Variants in ABR observed in about 807,000 individuals in gnomAD.
ABR encodes the protein active breakpoint cluster region-related protein.
Under a neutral mutation model 107.2 loss-of-function variants are expected in ABR, and 35 were observed. The observed-to-expected ratio is 0.33, with a 90% CI of 0.25 to 0.43. ABR has a LOEUF of 0.43. ABR is among the 20% of genes least tolerant of loss of function. The probability of loss-of-function intolerance (pLI) is 1.00; values close to 1 mark genes in which losing one functional copy is unlikely to be tolerated. For missense variants in ABR, 815 were observed against 1,115.2 expected, an observed-to-expected ratio of 0.73 and a Z score of 3.83; for synonymous variants, 498 against 462.0, an observed-to-expected ratio of 1.08 and a Z score of -1.00.
intron 14 of ABR, among the ~76,000 whole-genome samples, chr17:1,054,162 C>T (rs1400404157): frequency 3.3e-5 from 5 of 152,212 alleles, no homozygotes; most frequent in East Asian, 1.9e-4. Flanking sequence ...TCCGTGACCT[C>T]GGCGGGATGC....
intron 16 of ABR, among the ~76,000 whole-genome samples, chr17:1,014,702 C>T (rs1359607274): frequency 1.3e-5 from 2 of 151,652 alleles, no homozygotes; most frequent in Non-Finnish European, 2.9e-5. Flanking sequence ...AAAAATTAGC[C>T]GGGCGCGGTG....
intron 1 of ABR, among the ~76,000 whole-genome samples, chr17:1,221,673 C>T (rs9709187): frequency 0.27 from 41,494 of 151,890 alleles, 5,838 homozygotes; most frequent in Middle Eastern, 0.31. Context: ...GAAGTCAAGG[C>T]GGGAGGGCTC....
intron 1 of ABR, among the ~76,000 whole-genome samples, chr17:1,134,923 G>C (rs996874093): frequency 6.6e-6 from 1 of 152,274 alleles, no homozygotes; most frequent in African/African-American, 2.4e-5. Flanking sequence ...GGACGACACA[G>C]GATCAAGTGC....
chr17:1,010,424 C>T lies in ABR; in HGVS notation c.2236+305G>A, dbSNP rs2070431154. ...TGGGATGCTGGCTTCTGGCCACTCA[C>T]CTCAGGGCAGTCTTCCCTGGATGCT... On this transcript the variant is annotated intron_variant, in intron 20 of 22. Coordinates refer to ENST00000302538, the MANE Select transcript of ABR (RefSeq NM_021962.5). The surrounding 1 kb of genome is among the most constrained non-coding windows in gnomAD (Gnocchi z 4.1). The T allele has an allele frequency of 9.8e-6, 4 of 409,524 alleles. No homozygotes were observed. The highest frequency in any genetic ancestry group is 4.0e-5 in the African/African-American group (2 of 49,762). The allele number at this position is 409,524 out of a possible 1,614,324, so 25.4% of individuals were successfully genotyped here. A position where few individuals can be genotyped will look rare whatever the true frequency, so the allele number is the denominator to read the frequency against.
chr17:1,083,422 A>T (rs2036393660), intron 5 of ABR, 98 bp downstream of exon 5: 12 of 778,068 alleles, frequency 1.5e-5, no homozygotes, highest in Non-Finnish European at 2.1e-5. Flanking sequence ...TAGAGTAACC[A>T]CTTCACCGAC....
intron 16 of ABR, chr17:1,039,583 G>A (rs954784029): frequency 1.3e-5 from 2 of 152,592 alleles, no homozygotes; most frequent in African/African-American, 4.8e-5. Context: ...GAGAACAAAT[G>A]TGCCCGAAAC....
At chr17:1,201,333 C>T (rs1409718386) in intron 1 of ABR, among the ~76,000 whole-genome samples, 3 of 152,084 alleles carry the variant, frequency 2.0e-5, no homozygotes, top group East Asian at 3.9e-4. Context: ...TCAGTAATGA[C>T]GGTAAGTGCT....
chr17:1,158,395 C>T (rs1028560864), intron 1 of ABR, among the ~76,000 whole-genome samples: 1 of 151,782 alleles, frequency 6.6e-6, no homozygotes, highest in Non-Finnish European at 1.5e-5. Flanking sequence ...CGCGCCCAGC[C>T]GTCTCGTTAG....
At chr17:1,088,452 T>TTAATAATAA (rs60961802) in intron 4 of ABR, among the ~76,000 whole-genome samples, 240 of 143,516 alleles carry the variant, frequency 1.7e-3, no homozygotes, top group African/African-American at 3.9e-3. Context: ...TCTTCCCAAT[T>TTAATAATAA]TAATAATAAT....
At chr17:1,138,452 A>G (rs2040166263) in intron 1 of ABR, among the ~76,000 whole-genome samples, 1 of 152,054 alleles carries the variant, frequency 6.6e-6, no homozygotes, top group Non-Finnish European at 1.5e-5. Flanking sequence ...GTGCACTTGA[A>G]AAGCTTTTTT....
chr17:1,025,800 A>C (rs184267114), intron 16 of ABR, among the ~76,000 whole-genome samples: 9 of 150,258 alleles, frequency 6.0e-5, no homozygotes, highest in African/African-American at 2.2e-4. Flanking sequence ...TTGTTGACGG[A>C]CTCCTCCTGC....
At chr17:1,110,100 G>A (rs891382596) in intron 2 of ABR, among the ~76,000 whole-genome samples, 2 of 150,964 alleles carry the variant, frequency 1.3e-5, no homozygotes, top group African/African-American at 2.4e-5. Context: ...CCTGCAAGGG[G>A]AGTGCACACA....
rs9900201 is a variant in ABR at position 1,154,129 on chromosome 17, A to C, written c.61+25538T>G. 1 of 152,314 alleles carries C rather than the reference A, an allele frequency of 6.6e-6. No individual in the cohort carries two copies. The highest frequency in any genetic ancestry group is 1.5e-5 in the Non-Finnish European group (1 of 68,236). 9.4% of individuals were successfully genotyped at this position (152,314 alleles called of 1,614,324 possible). A position where few individuals can be genotyped will look rare whatever the true frequency, so the allele number is the denominator to read the frequency against. The stretch of plus-strand genomic sequence containing the variant: ...CTGCTCCGAGGACTGGGTCTAAGGG[A>C]CGAGGGCCAGGAACTGAGCAGCGGG... On this transcript the variant is annotated intron_variant, in intron 1 of 22. Transcript: ENST00000302538. This position sits in a 1 kb window ranked among gnomAD's most constrained non-coding sequence, Gnocchi z 4.0.
At chr17:1,113,539 G>A (rs561726078) in intron 2 of ABR, among the ~76,000 whole-genome samples, 42 of 151,920 alleles carry the variant, frequency 2.8e-4, no homozygotes, top group Middle Eastern at 3.4e-3. Context: ...CACCCGCCTC[G>A]GCCTCCCAAA....
upstream of ABR, among the ~76,000 whole-genome samples, chr17:1,183,689 G>GC (rs2042204930): frequency 6.6e-6 from 1 of 152,110 alleles, no homozygotes. Context: ...CGACAGGAAG[G>GC]CCCCAGGAGT....
At chr17:1,083,718 T>A in intron 4 of ABR, 91 bp from the exon 5 acceptor site, 3 of 1,057,072 alleles carry the variant, frequency 2.8e-6, no homozygotes, top group Non-Finnish European at 4.4e-6. Flanking sequence ...CACCGGGAGC[T>A]CCCCTGCACT....
rs990862886 is a variant in ABR at position 1,216,174 on chromosome 17, ATACT to A, written c.838+12615_838+12618del. On this transcript the variant is annotated intron_variant, in intron 1 of 22. Transcript: ENST00000574139. ...AGAAACACCCAAGAATGATCAATAA[ATACT>A]AAAAAAAAAAAGAAAGAAACTGAAC... is the stretch of plus-strand genomic sequence containing the variant. Among the ~76,000 whole-genome samples the A allele has an allele frequency of 6.4e-4, 97 of 152,096 alleles. No individual in the cohort carries two copies. The East Asian group carries it at 0.017, about 26-fold the overall frequency.
At chr17:1,026,605 C>G (rs911125551) in intron 16 of ABR, among the ~76,000 whole-genome samples, 9 of 152,182 alleles carry the variant, frequency 5.9e-5, no homozygotes, top group Non-Finnish European at 1.3e-4. Context: ...CAGGGCCCAT[C>G]CTGGAGGGCC....
intron 3 of ABR, among the ~76,000 whole-genome samples, chr17:1,099,540 A>C (rs928298232): frequency 6.6e-6 from 1 of 152,182 alleles, no homozygotes; most frequent in Non-Finnish European, 1.5e-5. Context: ...ACAGATCCAC[A>C]CTTCTGCGTC....
Sources: gnomAD v4.1 joint callset for allele counts (sites outside exome capture counted in the v4.1 genomes callset) on GRCh38, gnomAD v4.1.1 for gene constraint, Gnocchi (gnomAD v3.1) non-coding constraint, MANE v1.5 for transcripts, NCBI Gene and HGNC (gene_info 2026-07-23, HGNC 2026-07-21) for gene names.